The following DIAPH2 variants were observed in gnomAD, a reference collection of about 807,000 sequenced individuals.
DIAPH2 encodes the protein protein diaphanous homolog 2.
A neutral mutation model predicts 92.7 loss-of-function variants in DIAPH2; 35 were observed. The observed-to-expected ratio is 0.38, with a 90% CI of 0.29 to 0.50. The LOEUF (loss-of-function observed/expected upper bound fraction) is 0.50, where lower values mean the gene tolerates loss of function less well. DIAPH2 is among the 20% of genes least tolerant of loss of function. The probability of loss-of-function intolerance (pLI) is 0.94; values close to 1 mark genes in which losing one functional copy is unlikely to be tolerated. For synonymous variants in DIAPH2, 301 were observed against 280.4 expected (o/e 1.07, Z -0.73); for missense variants, 701 against 819.5 (o/e 0.86, Z 1.77).
Position 96,981,899 on chromosome X carries a change from T to C in DIAPH2, c.2050+16692T>C, listed in dbSNP as rs2066000230. Among the ~76,000 whole-genome samples the C allele has an allele frequency of 2.7e-5, 3 of 111,594 alleles. No homozygotes were observed. In the Admixed American group the frequency reaches 2.9e-4, roughly 11 times the overall value. On this transcript the variant is annotated intron_variant, in intron 17 of 26. Coordinates refer to ENST00000324765, the MANE Select transcript of DIAPH2 (RefSeq NM_006729.5). ...GGACAAGGGTAAGGGTATTAATACATGAATTTGTAACCTCTGAAGTACCTT... is the reference window on the plus strand; with the variant it reads ...GGACAAGGGTAAGGGTATTAATACACGAATTTGTAACCTCTGAAGTACCTT...
intron 17 of DIAPH2, among the ~76,000 whole-genome samples, chrX:96,995,008 T>C (rs909462745): frequency 7.2e-5 from 8 of 111,169 alleles, no homozygotes; most frequent in African/African-American, 2.6e-4. Context: ...CCAGGATTAA[T>C]TGCTGAATGC....
At chrX:97,341,065 G>A (rs781602275) in intron 23 of DIAPH2, 28 of 97,132 alleles carry the variant, frequency 2.9e-4, no homozygotes, top group Admixed American at 1.4e-3. Context: ...GGTGGTAGAT[G>A]CCTGTAGGCC....
chrX:97,141,783 G>A lies in DIAPH2; in HGVS notation c.2708G>A (p.Ser903Asn). ...CCTGAAGAACTGGAACACGTAGAAAGTGCAAGCAAAGGTAATTGATTTATA... is the reference window on the plus strand; with the variant it reads ...CCTGAAGAACTGGAACACGTAGAAAATGCAAGCAAAGGTAATTGATTTATA... ...KFPEELEHVE[S>N]ASKVSAQILK... The change falls in exon 22 of 27, where the codon AGT becomes AAT. Residue 903 changes from serine to asparagine, a missense_variant. Ser to Asn is a conservative substitution (Grantham distance 46). This residue lies in a region of DIAPH2 where 536 missense variants were observed against 599.3 expected (regional missense o/e 0.89). Coordinates refer to ENST00000324765, the MANE Select transcript of DIAPH2 (RefSeq NM_006729.5). 8.3e-7 allele frequency: 1 copy of A among 1,203,544 alleles called. No homozygotes were observed. The highest frequency in any genetic ancestry group is 1.1e-6 in the Non-Finnish European group (1 of 892,754).
At chrX:97,395,719 A>T (rs2069698338) in intron 25 of DIAPH2, among the ~76,000 whole-genome samples, 1 of 112,418 alleles carries the variant, frequency 8.9e-6, no homozygotes, top group African/African-American at 3.2e-5. Context: ...GCAGTAAAAC[A>T]AATTTCTACA....
At chrX:97,545,532 AAATAT>A (rs1171712452) in intron 26 of DIAPH2, among the ~76,000 whole-genome samples, 513 of 22,664 alleles carry the variant, frequency 0.023, 6 homozygotes, top group African/African-American at 0.033. Flanking sequence ...GAAAAAAAAA[AAATAT>A]ATATATATAT....
At chrX:97,591,821 C>T (rs894959766) in intron 26 of DIAPH2, among the ~76,000 whole-genome samples, 3 of 111,891 alleles carry the variant, frequency 2.7e-5, no homozygotes, top group African/African-American at 9.7e-5. Flanking sequence ...TCTTACGACC[C>T]AATTGCATTC....
chrX:97,272,087 C>T (rs890579434), intron 23 of DIAPH2, among the ~76,000 whole-genome samples: 6 of 110,391 alleles, frequency 5.4e-5, no homozygotes, highest in Non-Finnish European at 9.4e-5. Context: ...CAACCTCCAC[C>T]TCCCGGGTTC....
intron 4 of DIAPH2, 80 bp downstream of exon 4, chrX:96,758,338 A>G: frequency 1.2e-6 from 1 of 813,631 alleles, no homozygotes; most frequent in Non-Finnish European, 1.8e-6. Flanking sequence ...AACAAACCTC[A>G]GCTCTTCAGA....
At chrX:96,920,438 A>T (rs1274501670) in intron 9 of DIAPH2, among the ~76,000 whole-genome samples, 2 of 111,836 alleles carry the variant, frequency 1.8e-5, no homozygotes, top group African/African-American at 3.2e-5. Context: ...CATTACATTG[A>T]TATATTTTTA....
chrX:97,159,958 A>G (rs1433792612), intron 22 of DIAPH2, among the ~76,000 whole-genome samples: 1 of 111,254 alleles, frequency 9.0e-6, no homozygotes, highest in East Asian at 2.8e-4. Context: ...CAGCAGACCA[A>G]TACACTGACT....
intron 25 of DIAPH2, among the ~76,000 whole-genome samples, chrX:97,386,036 A>T (rs2147734579): frequency 8.9e-6 from 1 of 112,039 alleles, no homozygotes; most frequent in South Asian, 3.7e-4. Context: ...TTTTGCAGTA[A>T]TGTCTTAATG....
intron 4 of DIAPH2, among the ~76,000 whole-genome samples, chrX:96,813,479 T>A (rs1456975789): frequency 9.0e-6 from 1 of 111,486 alleles, no homozygotes; most frequent in Non-Finnish European, 1.9e-5. Flanking sequence ...CTTTATCCAA[T>A]TTGCCAGTCT....
At chrX:96,776,377 A>G (rs1447565308) in intron 4 of DIAPH2, among the ~76,000 whole-genome samples, 1 of 108,677 alleles carries the variant, frequency 9.2e-6, no homozygotes, top group Non-Finnish European at 1.9e-5. Context: ...CACCTGGCTA[A>G]TTTTTGTATT....
intron 4 of DIAPH2, among the ~76,000 whole-genome samples, chrX:96,787,024 T>C (rs2064461497): frequency 8.9e-6 from 1 of 112,020 alleles, no homozygotes; most frequent in Non-Finnish European, 1.9e-5. Context: ...ATCTTAGTTT[T>C]TGTGCTCTAG....
chrX:96,694,583 C>T (rs755718902), intron 1 of DIAPH2, among the ~76,000 whole-genome samples: 29 of 111,703 alleles, frequency 2.6e-4, no homozygotes, highest in Middle Eastern at 9.2e-3. Flanking sequence ...TCAAGTGATC[C>T]GCCCTCCTGG....
chrX:97,512,473 T>C (rs1476674470), intron 26 of DIAPH2, among the ~76,000 whole-genome samples: 1 of 112,446 alleles, frequency 8.9e-6, no homozygotes, highest in Non-Finnish European at 1.9e-5. Context: ...CCTGGATTCA[T>C]TAATTTTTTG....
chrX:96,843,523 A>C (rs1445098001), intron 4 of DIAPH2, among the ~76,000 whole-genome samples: 26 of 111,542 alleles, frequency 2.3e-4, no homozygotes, highest in Non-Finnish European at 5.6e-5. Flanking sequence ...GTAGGCCAGC[A>C]TCATTGCTAG....
chrX:96,748,753 A>G (rs73250727), intron 3 of DIAPH2, among the ~76,000 whole-genome samples: 10,296 of 111,361 alleles, frequency 0.092, 421 homozygotes, highest in Middle Eastern at 0.17. Flanking sequence ...TGAATGCCAG[A>G]TACTTTGTTA....
At chrX:97,408,178 A>G (rs1008876687) in intron 25 of DIAPH2, among the ~76,000 whole-genome samples, 2 of 111,327 alleles carry the variant, frequency 1.8e-5, no homozygotes, top group Non-Finnish European at 3.8e-5. Context: ...GAAGCACCCT[A>G]TGCTTTATTG....
Sources: allele counts gnomAD v4.1 joint callset (sites outside exome capture counted in the v4.1 genomes callset), GRCh38; gene constraint gnomAD v4.1.1; regional missense constraint gnomAD v4.1.1; transcripts MANE v1.5; gene names NCBI Gene and HGNC (gene_info 2026-07-23, HGNC 2026-07-21).